Variants in VCL observed in about 807,000 individuals in gnomAD.
VCL encodes epididymis luminal protein 114.
VCL carries 47 observed loss-of-function variants against 125.7 expected under a neutral mutation model. The ratio of observed to expected loss-of-function variants is 0.37; its 90% CI spans 0.30 to 0.48. The LOEUF (loss-of-function observed/expected upper bound fraction) is 0.48. Ranked by LOEUF, VCL falls within the 20% of genes least tolerant of loss-of-function variation. The pLI, the probability that VCL is intolerant of heterozygous loss-of-function variation, is 0.99. For synonymous variants in VCL, 458 were observed against 514.6 expected (o/e 0.89, Z 1.49); for missense variants, 1,069 against 1,455.5 (o/e 0.73, Z 4.32).
intron 2 of VCL, among the ~76,000 whole-genome samples, chr10:74,070,042 C>T (rs1165396065): frequency 6.6e-6 from 1 of 150,856 alleles, no homozygotes; most frequent in Admixed American, 6.6e-5. Flanking sequence ...TCAAATGGTC[C>T]AATGGATTTA....
In VCL at chr10:74,111,969, G is replaced by C. The variant is rs1361057797; in HGVS notation, c.2806G>C (p.Ala936Pro). Residue 936 changes from alanine to proline, a missense_variant, in exon 19 of 22, where the codon GCT (alanine) becomes CCT (proline). Physicochemically the swap from Ala to Pro is conservative, Grantham distance 27. Coordinates refer to ENST00000211998, the MANE Select transcript of VCL (RefSeq NM_014000.3). ...GVVAEADAAD[A>P]AGFPVPPDME... Reference sequence around the variant, plus strand: ...TGTAGCTGAGGCAGATGCGGCCGATGCTGCTGGCTTCCCTGTCCCCCCTGA... The same window carrying C: ...TGTAGCTGAGGCAGATGCGGCCGATCCTGCTGGCTTCCCTGTCCCCCCTGA... The C allele has an allele frequency of 1.9e-6, 3 of 1,614,208 alleles. No individual in the cohort carries two copies. The African/African-American group carries it at 4.0e-5, about 22-fold the overall frequency.
rs1839839138 is a variant in VCL, at chr10:74,089,293, C to G, written c.1120C>G (p.Leu374Val). 6.2e-7 allele frequency: 1 copy of G among 1,614,124 alleles called. No individual in the cohort carries two copies. Among genetic ancestry groups the G allele is most frequent in the African/African-American group, 1.3e-5 (1 of 75,030 alleles). The change falls in exon 9 of 22, where the codon CTG (leucine) becomes GTG (valine). Residue 374 changes from leucine to valine, a missense_variant. Physicochemically the swap from Leu to Val is conservative, Grantham distance 32. Around this residue, in one of 6 missense-constraint regions of VCL, gnomAD observed 760 missense variants for 928.9 expected, o/e 0.82. Transcript: ENST00000211998. ...TAKVENAARK[L>V]EAMTNSKQSI... ...AAAAGTGGAAAATGCAGCTCGCAAGCTGGAAGCCATGACCAACTCAAAGCA... is the reference window on the plus strand; with the variant it reads ...AAAAGTGGAAAATGCAGCTCGCAAGGTGGAAGCCATGACCAACTCAAAGCA...
intron 1 of VCL, among the ~76,000 whole-genome samples, chr10:74,025,595 C>G (rs988586757): frequency 5.1e-5 from 7 of 138,532 alleles, no homozygotes; most frequent in African/African-American, 1.6e-4. Context: ...GCCTGGGTGA[C>G]AGAGCAAAAC....
chr10:74,022,519 T>C (rs1840689699), intron 1 of VCL, among the ~76,000 whole-genome samples: 1 of 151,554 alleles, frequency 6.6e-6, no homozygotes, highest in Non-Finnish European at 1.5e-5. Context: ...GAACTCCAGC[T>C]TGGGTGACAG....
intron 2 of VCL, among the ~76,000 whole-genome samples, chr10:74,057,881 C>T (rs1255660027): frequency 6.6e-6 from 1 of 152,112 alleles, no homozygotes; most frequent in Non-Finnish European, 1.5e-5. Context: ...TGTGGTGAGC[C>T]GTGATCGTGC....
intron 7 of VCL, 36 bp downstream of exon 7, chr10:74,082,580 C>T (rs375443330): frequency 4.5e-5 from 72 of 1,602,554 alleles, no homozygotes; most frequent in African/African-American, 1.1e-4. Flanking sequence ...ATCAATACAA[C>T]GAGAAGCTAA....
intron 18 of VCL, 87 bp downstream of exon 18, chr10:74,109,243 T>G: frequency 1.3e-6 from 2 of 1,526,098 alleles, no homozygotes; most frequent in Non-Finnish European, 1.8e-6. Flanking sequence ...AAGAGTCTAT[T>G]TGGAGTCACC....
chr10:74,000,365 A>G (rs530686308), intron 1 of VCL, among the ~76,000 whole-genome samples: 1 of 150,418 alleles, frequency 6.6e-6, no homozygotes, highest in African/African-American at 2.4e-5. Context: ...CTGGACTGAG[A>G]AAAATCCTCC....
At chr10:74,015,153 C>A (rs943084212) in intron 1 of VCL, among the ~76,000 whole-genome samples, 1 of 152,208 alleles carries the variant, frequency 6.6e-6, no homozygotes, top group African/African-American at 2.4e-5. Context: ...AGAGGTTATA[C>A]TCAGTATTTC....
At chr10:74,117,435 A>T (rs1336180758) in intron 21 of VCL, among the ~76,000 whole-genome samples, 1 of 152,212 alleles carries the variant, frequency 6.6e-6, no homozygotes. Flanking sequence ...TGGGCAGATC[A>T]CTTGAGCCCA....
At chr10:74,104,456 C>G (rs1288900923) in intron 15 of VCL, among the ~76,000 whole-genome samples, 1 of 152,078 alleles carries the variant, frequency 6.6e-6, no homozygotes, top group African/African-American at 2.4e-5. Context: ...CGTCTTCATT[C>G]TCTGTAAAGG....
intron 1 of VCL, among the ~76,000 whole-genome samples, chr10:74,025,754 C>T (rs1055354675): frequency 6.6e-6 from 1 of 151,556 alleles, no homozygotes. Flanking sequence ...TGTAGGTGTG[C>T]TGAGATCATC....
At position 74,114,913 on chromosome 10, in the gene VCL, G is replaced by C. The variant is rs1240907682; in HGVS notation, c.3258+14G>C. On this transcript the variant is annotated intron_variant, in intron 21 of 21. Transcript: ENST00000211998. ...GAGTCTGAGCAGGTATGTGGCAGCT[G>C]TTTTTGGTTTCTGGCTGGCAGCTTC... 1.9e-6 allele frequency: 3 copies of C among 1,574,344 alleles called. No homozygotes were observed. Among genetic ancestry groups the C allele is most frequent in the Non-Finnish European group, 2.6e-6 (3 of 1,159,082 alleles).
intron 13 of VCL, among the ~76,000 whole-genome samples, chr10:74,098,561 A>G (rs1050337646): frequency 6.6e-6 from 1 of 152,208 alleles, no homozygotes; most frequent in Non-Finnish European, 1.5e-5. Context: ...GAGCTTTGCT[A>G]TGCCTCATTG....
chr10:74,025,393 T>C (rs896877472), intron 1 of VCL, among the ~76,000 whole-genome samples: 3 of 151,872 alleles, frequency 2.0e-5, no homozygotes, highest in Non-Finnish European at 2.9e-5. Context: ...GTGGGAGGAT[T>C]GCTTGAGGCC....
rs2131918594 is a variant in VCL, at chr10:74,097,414, C to A, written c.1872+82C>A. The A allele has an allele frequency of 6.3e-7, 1 of 1,576,712 alleles. No homozygotes were observed. The highest frequency in any genetic ancestry group is 2.3e-5 in the East Asian group (1 of 43,424). Reference sequence around the variant, plus strand: ...GGTGAAATGTGATTACAGTGGACATCAGGATCAGTGGTTGGGAAACTGTAG... The same window carrying A: ...GGTGAAATGTGATTACAGTGGACATAAGGATCAGTGGTTGGGAAACTGTAG... On this transcript the variant is annotated intron_variant, in intron 13 of 21. Transcript: ENST00000211998. This position sits in a 1 kb window ranked among gnomAD's most constrained non-coding sequence, Gnocchi z 4.1.
chr10:74,072,945 CTT>C (rs369560544), intron 5 of VCL, 93 bp downstream of exon 5: 5,875 of 1,244,034 alleles, frequency 4.7e-3, no homozygotes, highest in East Asian at 6.0e-3. Context: ...GTTTTCTTTT[CTT>C]TTTTTTTTTT....
At chr10:74,060,373 CAG>C (rs569614178) in intron 2 of VCL, among the ~76,000 whole-genome samples, 76 of 152,096 alleles carry the variant, frequency 5.0e-4, no homozygotes, top group Admixed American at 3.0e-3. Flanking sequence ...GACTTGCAGG[CAG>C]AGTGTGGTGG....
At chr10:74,100,890 A>C in intron 13 of VCL, 58 bp from the exon 14 acceptor site, 1 of 1,605,644 alleles carries the variant, frequency 6.2e-7, no homozygotes. Context: ...ACTTTTTCTT[A>C]GGCTGCCTGA....
Sources: allele counts gnomAD v4.1 joint callset (sites outside exome capture counted in the v4.1 genomes callset), GRCh38; gene constraint gnomAD v4.1.1; regional missense constraint gnomAD v4.1.1; non-coding constraint Gnocchi (gnomAD v3.1); transcripts MANE v1.5; gene names NCBI Gene and HGNC (gene_info 2026-07-23, HGNC 2026-07-21).